Variants in TMEM260 observed in about 807,000 individuals in gnomAD.
TMEM260 encodes transmembrane protein 260, also known as protein O-mannosyl-transferase TMEM260.
Under a neutral mutation model 88.9 loss-of-function variants are expected in TMEM260, and 82 were observed. The observed-to-expected ratio is 0.92, with a 90% CI of 0.77 to 1.11. The LOEUF (loss-of-function observed/expected upper bound fraction) is 1.11. Ranked by LOEUF, TMEM260 falls within the 50% of genes least tolerant of loss-of-function variation. The pLI is 0.00. For missense variants in TMEM260, 902 were observed against 853.4 expected (o/e 1.06, Z -0.71); for synonymous variants, 314 against 309.3 (o/e 1.02, Z -0.16).
intron 5 of TMEM260, among the ~76,000 whole-genome samples, chr14:56,606,864 C>T (rs1206261795): frequency 1.1e-4 from 17 of 152,216 alleles, no homozygotes; most frequent in African/African-American, 3.9e-4. Flanking sequence ...CACTGCGCTC[C>T]AGCCTGGGTG....
rs150654769 is a variant in TMEM260, at chr14:56,647,475, T to C, written c.2102T>C (p.Leu701Pro). The change falls in exon 16 of 16, where the codon CTG (leucine) becomes CCG (proline). Residue 701 changes from leucine (L) to proline (P), a missense_variant. Coordinates refer to ENST00000261556, the MANE Select transcript of TMEM260 (RefSeq NM_017799.4). Reference sequence around the variant, plus strand: ...CACCTAAGAAAAGAACTGCAAAGTCTGAGAAATAGGAAAAATGTCTGAGAC... The same window carrying C: ...CACCTAAGAAAAGAACTGCAAAGTCCGAGAAATAGGAAAAATGTCTGAGAC... ...LKHLRKELQS[L>P]RNRKNV 6.1e-4 allele frequency: 978 copies of C among 1,600,866 alleles called. 1 individual carries two copies. The highest frequency in any genetic ancestry group is 7.9e-4 in the Non-Finnish European group (927 of 1,176,450).
Position 56,616,047 on chromosome 14 carries a change from T to C in TMEM260, c.941+20T>C, listed in dbSNP as rs766099567. The C allele has an allele frequency of 6.5e-7, 1 of 1,532,500 alleles. No homozygotes were observed. The highest frequency in any genetic ancestry group is 9.0e-7 in the Non-Finnish European group (1 of 1,106,914). 94.9% of individuals were successfully genotyped at this position (1,532,500 alleles called of 1,614,324 possible). On this transcript the variant is annotated intron_variant, in intron 8 of 15. Coordinates refer to ENST00000261556, the MANE Select transcript of TMEM260 (RefSeq NM_017799.4). ...AACAAAGTAAGTAATACAATTCCTTTTTCTGTTATTTTTCTATGTTCATGA... is the reference window on the plus strand; with the variant it reads ...AACAAAGTAAGTAATACAATTCCTTCTTCTGTTATTTTTCTATGTTCATGA...
At chr14:56,655,117 C>T (rs952491278), downstream of TMEM260, among the ~76,000 whole-genome samples, 9 of 151,950 alleles carry the variant, frequency 5.9e-5, 1 homozygote, top group Admixed American at 2.6e-4. Context: ...CCCTGCCGGG[C>T]GTGGTGGCTC....
chr14:56,585,679 A>G, intron 2 of TMEM260, 82 bp from the exon 3 acceptor site: 2 of 1,366,714 alleles, frequency 1.5e-6, no homozygotes, highest in South Asian at 1.4e-5. Flanking sequence ...TGCTTGAGAA[A>G]AGGGCTACTT....
At chr14:56,583,717 G>A (rs548330342) in intron 1 of TMEM260, among the ~76,000 whole-genome samples, 8 of 152,184 alleles carry the variant, frequency 5.3e-5, no homozygotes, top group African/African-American at 1.9e-4. Context: ...GGTGGCAATT[G>A]AACTTGGCCT....
intron 14 of TMEM260, 130 bp from the exon 15 acceptor site, chr14:56,636,378 G>C: frequency 1.4e-6 from 1 of 704,110 alleles, no homozygotes; most frequent in Non-Finnish European, 2.5e-6. Context: ...ATGAATATGA[G>C]AGAATTGAAA....
chr14:56,625,357 A>G, intron 11 of TMEM260, 25 bp from the exon 12 acceptor site: 1 of 1,605,206 alleles, frequency 6.2e-7, no homozygotes. Context: ...TAAAAGTCTG[A>G]CATTATGTGT....
chr14:56,632,352 C>T (rs1281375896), intron 12 of TMEM260, among the ~76,000 whole-genome samples: 2 of 152,154 alleles, frequency 1.3e-5, no homozygotes, highest in African/African-American at 2.4e-5. Flanking sequence ...AAGCACAATG[C>T]CTCTGCTTAG....
downstream of TMEM260, among the ~76,000 whole-genome samples, chr14:56,651,064 C>G (rs193232824): frequency 2.0e-5 from 3 of 152,236 alleles, no homozygotes; most frequent in East Asian, 5.8e-4. Context: ...CTGATACTCA[C>G]AAACAAATAA....
At chr14:56,590,109 G>T (rs565461727) in intron 3 of TMEM260, among the ~76,000 whole-genome samples, 1 of 152,248 alleles carries the variant, frequency 6.6e-6, no homozygotes, top group South Asian at 2.1e-4. Context: ...GTCTTGATCC[G>T]TGGTTAATTG....
intron 15 of TMEM260, among the ~76,000 whole-genome samples, chr14:56,642,123 T>C (rs558073849): frequency 6.6e-6 from 1 of 152,054 alleles, no homozygotes; most frequent in African/African-American, 2.4e-5. Flanking sequence ...AACAAAGATA[T>C]CCAGGAATTG....
chr14:56,635,887 A>ATAAG (rs1461403578), intron 14 of TMEM260, among the ~76,000 whole-genome samples: 15 of 152,326 alleles, frequency 9.8e-5, no homozygotes, highest in African/African-American at 3.4e-4. Flanking sequence ...GTATTTTTGA[A>ATAAG]TAAGTCAGAA....
chr14:56,624,411 C>CA (rs1366698576), intron 11 of TMEM260, among the ~76,000 whole-genome samples: 1 of 151,924 alleles, frequency 6.6e-6, no homozygotes, highest in African/African-American at 2.4e-5. Flanking sequence ...CCGTGTCTAT[C>CA]AAAAATACAA....
At chr14:56,661,452 A>G in the TMEM260 span, among the ~76,000 whole-genome samples, 2 of 150,254 alleles carry the variant, frequency 1.3e-5, no homozygotes, top group South Asian at 4.3e-4. Flanking sequence ...GTGTTACCCA[A>G]TCTTAAAATG....
chr14:56,626,231 A>C (rs943779164), intron 12 of TMEM260, among the ~76,000 whole-genome samples: 1 of 152,196 alleles, frequency 6.6e-6, no homozygotes, highest in Non-Finnish European at 1.5e-5. Flanking sequence ...CTAAGAACAT[A>C]ATAATGTGGT....
chr14:56,640,494 G>C (rs1230689957), intron 15 of TMEM260, among the ~76,000 whole-genome samples: 1 of 152,190 alleles, frequency 6.6e-6, no homozygotes, highest in Non-Finnish European at 1.5e-5. Context: ...AAACCCATCT[G>C]TACATCACCA....
downstream of TMEM260, among the ~76,000 whole-genome samples, chr14:56,655,339 A>C (rs1236347747): frequency 6.6e-6 from 1 of 151,222 alleles, no homozygotes; most frequent in Non-Finnish European, 1.5e-5. Context: ...GCAGTGAGCT[A>C]TCACGCCACT....
At chr14:56,652,666 G>C (rs541306661), downstream of TMEM260, among the ~76,000 whole-genome samples, 1 of 152,170 alleles carries the variant, frequency 6.6e-6, no homozygotes, top group East Asian at 1.9e-4. Context: ...GTTCTTAAAA[G>C]CATAAAAAAC....
the TMEM260 span, among the ~76,000 whole-genome samples, chr14:56,661,575 G>A: frequency 1.3e-5 from 2 of 151,384 alleles, no homozygotes; most frequent in East Asian, 3.9e-4. Context: ...AGGGAAGGGA[G>A]GAAGGGAGGG....
Sources: allele counts gnomAD v4.1 joint callset (sites outside exome capture counted in the v4.1 genomes callset), GRCh38; gene constraint gnomAD v4.1.1; transcripts MANE v1.5; gene names NCBI Gene and HGNC (gene_info 2026-07-23, HGNC 2026-07-21).